The following CTPS1 variants were observed in gnomAD, a reference collection of about 807,000 sequenced individuals.
The protein encoded by CTPS1 is CTP synthase 1.
In CTPS1, 25 loss-of-function variants were observed where a neutral mutation model predicts 80.5. The observed-to-expected ratio is 0.31, with a 90% CI of 0.23 to 0.43. CTPS1 has a LOEUF of 0.43. CTPS1 is among the 20% of genes least tolerant of loss of function. The pLI, the probability that CTPS1 is intolerant of heterozygous loss-of-function variation, is 1.00. For missense variants in CTPS1, 442 were observed against 725.7 expected, an observed-to-expected ratio of 0.61 and a Z score of 4.49; for synonymous variants, 267 against 252.5, an observed-to-expected ratio of 1.06 and a Z score of -0.54.
intron 1 of CTPS1, among the ~76,000 whole-genome samples, chr1:40,981,742 A>G (rs956845662): frequency 4.0e-5 from 6 of 151,612 alleles, no homozygotes; most frequent in Admixed American, 6.6e-5. Flanking sequence ...TCCCATGTGC[A>G]TTTTGTTGAA....
intron 16 of CTPS1, 150 bp downstream of exon 16, chr1:41,009,040 G>A (rs1570984741): frequency 3.0e-6 from 2 of 677,208 alleles, no homozygotes. Flanking sequence ...GATAAACATG[G>A]GGTCTGGACT....
Position 41,003,096 on chromosome 1 carries a change from T to A in CTPS1, c.1190-18T>A, listed in dbSNP as rs965798416. On this transcript the variant is annotated intron_variant, in intron 11 of 18. Transcript: ENST00000650070. ...CTTTTCAATGGAGTTTTGTTTGTTT[T>A]TTCCCCCCGACTGGAAGGCGTGTGC... The A allele has an allele frequency of 6.2e-6, 10 of 1,614,018 alleles. No individual in the cohort carries two copies. Among genetic ancestry groups the A allele is most frequent in the Non-Finnish European group, 8.5e-6 (10 of 1,179,994 alleles).
intron 18 of CTPS1, 142 bp from the exon 19 acceptor site, chr1:41,011,516 G>A (rs960853978): frequency 2.6e-5 from 4 of 152,156 alleles, no homozygotes; most frequent in South Asian, 2.1e-4. Flanking sequence ...TAAATTTAGC[G>A]TCTAATTATT....
At chr1:40,992,302 T>C (rs1259599912) in intron 7 of CTPS1, among the ~76,000 whole-genome samples, 8 of 152,190 alleles carry the variant, frequency 5.3e-5, no homozygotes. Flanking sequence ...ACTGGGCTCC[T>C]GTGTGGTGTC....
intron 7 of CTPS1, among the ~76,000 whole-genome samples, chr1:40,994,370 T>G (rs1303391752): frequency 1.3e-5 from 2 of 152,244 alleles, no homozygotes; most frequent in Non-Finnish European, 2.9e-5. Context: ...TATTCTGTAC[T>G]TTTTAAAAAT....
chr1:41,006,494 C>T (rs955048390), intron 13 of CTPS1, among the ~76,000 whole-genome samples: 5 of 152,170 alleles, frequency 3.3e-5, no homozygotes, highest in Non-Finnish European at 7.3e-5. Flanking sequence ...CATGGGATCC[C>T]CAGCCATAGT....
Position 41,011,644 on chromosome 1 carries a change from T to C in CTPS1, c.*10-14T>C, listed in dbSNP as rs576010546. Reference sequence around the variant, plus strand: ...ACATCATATAATTCCCACTTTTTTTTTTCTTTTAAACAGGGATGATTCTTC... The same window carrying C: ...ACATCATATAATTCCCACTTTTTTTCTTCTTTTAAACAGGGATGATTCTTC... On this transcript the variant is annotated splice_polypyrimidine_tract_variant and intron_variant, in intron 18 of 18. Transcript: ENST00000650070. 4 of 152,350 alleles carry C rather than the reference T, an allele frequency of 2.6e-5. No individual in the cohort carries two copies. In the East Asian group the frequency reaches 5.8e-4, roughly 22 times the overall value. The allele number at this position is 152,350 out of a possible 1,614,324, so 9.4% of individuals were successfully genotyped here.
Position 40,997,116 on chromosome 1 carries a change from A to G in CTPS1, c.873-278A>G, listed in dbSNP as rs115308305. 3.3e-3 allele frequency: 1,107 copies of G among 340,290 alleles called. 16 individuals carry two copies. The highest frequency in any genetic ancestry group is 0.022 in the African/African-American group (1,039 of 46,556). 21.1% of individuals were successfully genotyped at this position (340,290 alleles called of 1,614,324 possible). A position where few individuals can be genotyped will look rare whatever the true frequency, so the allele number is the denominator to read the frequency against. On this transcript the variant is annotated intron_variant, in intron 8 of 18. Transcript: ENST00000650070. ...TAGCTATTCCCGTTATATTCTTCCC[A>G]GGTGTGTTTTTGTTGTTTTTTGTGG...
At chr1:41,002,104 G>GC (rs1281173347) in intron 10 of CTPS1, 56 bp from the exon 11 acceptor site, 1 of 1,518,730 alleles carries the variant, frequency 6.6e-7, no homozygotes, top group African/African-American at 1.4e-5. Context: ...GGCGATTATT[G>GC]CAAGTTGGAC....
Position 41,009,574 on chromosome 1 carries a change from G to A in CTPS1, c.1676G>A (p.Cys559Tyr). Residue 559 changes from cysteine to tyrosine, a missense_variant, in exon 17 of 19, where the codon TGC (cysteine) becomes TAC (tyrosine). By Grantham distance (194) the Cys-to-Tyr change is radical. This residue lies in a region of CTPS1 where 321 missense variants were observed against 467.2 expected (regional missense o/e 0.69). Coordinates refer to ENST00000650070, the MANE Select transcript of CTPS1 (RefSeq NM_001905.4). Reference sequence around the variant, plus strand: ...CTCTCACATTACCTCCAGAAAGGCTGCAGGCTCTCACCCAGGTAGGCGCAC... The same window carrying A: ...CTCTCACATTACCTCCAGAAAGGCTACAGGCTCTCACCCAGGTAGGCGCAC... ...GRLSHYLQKG[C>Y]RLSPRDTYSD... The A allele has an allele frequency of 6.2e-7, 1 of 1,614,078 alleles. No homozygotes were observed. Among genetic ancestry groups the A allele is most frequent in the Non-Finnish European group, 8.5e-7 (1 of 1,180,006 alleles).
At chr1:40,990,296 G>A (rs1259136234) in intron 5 of CTPS1, among the ~76,000 whole-genome samples, 3 of 152,130 alleles carry the variant, frequency 2.0e-5, no homozygotes, top group Non-Finnish European at 4.4e-5. Context: ...TCAGTTTCTG[G>A]GTTGAAAGGG....
intron 1 of CTPS1, among the ~76,000 whole-genome samples, chr1:40,981,625 G>C (rs921789240): frequency 3.3e-5 from 5 of 152,158 alleles, no homozygotes; most frequent in Non-Finnish European, 7.3e-5. Flanking sequence ...GTATAGCAGT[G>C]ATCACAGTGC....
Position 41,012,242 on chromosome 1 carries a change from C to T in CTPS1, c.*594C>T, listed in dbSNP as rs1044953641. On this transcript the variant is annotated 3_prime_UTR_variant, in exon 19 of 19. Transcript: ENST00000650070. ...CAACATGAAACACCAAGATGTCTGTCTCTGAAGCGTGATTTTAAAATCCCC... is the reference window on the plus strand; with the variant it reads ...CAACATGAAACACCAAGATGTCTGTTTCTGAAGCGTGATTTTAAAATCCCC... 1.3e-5 allele frequency: 2 copies of T among 152,174 alleles called. No individual in the cohort carries two copies. The highest frequency in any genetic ancestry group is 1.9e-4 in the East Asian group (1 of 5,198). The allele number at this position is 152,174 out of a possible 1,614,324, so 9.4% of individuals were successfully genotyped here.
Position 40,983,475 on chromosome 1 carries a change from TTCA to T in CTPS1, c.166+21_166+23del, listed in dbSNP as rs778922810. 6.3e-7 allele frequency: 1 copy of T among 1,578,978 alleles called. No individual in the cohort carries two copies. The highest frequency in any genetic ancestry group is 1.1e-5 in the South Asian group (1 of 87,550). ...GAGCATGGTAAGCACAGTGGATTTC[TTCA>T]TAATAATTGCATGTGGCAGAACATG... On this transcript the variant is annotated intron_variant, in intron 2 of 18. Transcript: ENST00000650070.
intron 17 of CTPS1, among the ~76,000 whole-genome samples, 187 bp from the exon 18 acceptor site, chr1:41,009,974 A>G (rs569025060): frequency 2.6e-5 from 4 of 152,366 alleles, no homozygotes; most frequent in South Asian, 2.1e-4. Context: ...AATGGAATGT[A>G]TATCTTTTGT....
intron 6 of CTPS1, 89 bp downstream of exon 6, chr1:40,991,337 G>T: frequency 9.6e-7 from 1 of 1,044,822 alleles, no homozygotes; most frequent in East Asian, 2.6e-5. Flanking sequence ...TTGTCTTGTT[G>T]GGTTGCTTTT....
chr1:40,982,219 CT>C (rs1440384646), intron 1 of CTPS1, among the ~76,000 whole-genome samples: 3 of 152,004 alleles, frequency 2.0e-5, no homozygotes, highest in Non-Finnish European at 4.4e-5. Flanking sequence ...CGTGGCACTG[CT>C]TTTTGGATTT....
rs1159002222 is a variant in CTPS1, at chr1:41,009,363, A to G, written c.1547-82A>G. ...AAATTATTTTAGGGCCTATGGAAAC[A>G]AACATTTAAGCAGATTTTGTTCTTT... On this transcript the variant is annotated intron_variant, in intron 16 of 18. Transcript: ENST00000650070. The G allele has an allele frequency of 2.9e-6, 4 of 1,391,516 alleles. No individual in the cohort carries two copies. In the African/African-American group the frequency reaches 5.8e-5, roughly 20 times the overall value. 86.2% of individuals were successfully genotyped at this position (1,391,516 alleles called of 1,614,324 possible). A position where few individuals can be genotyped will look rare whatever the true frequency, so the allele number is the denominator to read the frequency against.
chr1:41,008,515 G>T, intron 14 of CTPS1, 144 bp from the exon 15 acceptor site: 1 of 771,684 alleles, frequency 1.3e-6, no homozygotes, highest in East Asian at 2.5e-5. Context: ...TTAAGAGCAG[G>T]TGACCTTAGC....
Sources: allele counts gnomAD v4.1 joint callset (sites outside exome capture counted in the v4.1 genomes callset), GRCh38; gene constraint gnomAD v4.1.1; regional missense constraint gnomAD v4.1.1; transcripts MANE v1.5; gene names NCBI Gene and HGNC (gene_info 2026-07-23, HGNC 2026-07-21).